Variants in NRG1 observed in about 807,000 individuals in gnomAD.
The protein encoded by NRG1 is pro-neuregulin-1, membrane-bound isoform.
A neutral mutation model predicts 63.8 loss-of-function variants in NRG1; 18 were observed. That is an observed-to-expected ratio of 0.28 (90% CI 0.19 to 0.42). The LOEUF (loss-of-function observed/expected upper bound fraction) is 0.42, where lower values mean the gene tolerates loss of function less well. Ranked by LOEUF, NRG1 falls within the 10% of genes least tolerant of loss-of-function variation. NRG1 has a pLI of 1.00. For missense variants in NRG1, 762 were observed against 814.7 expected (o/e 0.94, Z 0.79); for synonymous variants, 302 against 301.3 (o/e 1.00, Z -0.02).
chr8:32,469,683 G>A (rs1287063213), intron 1 of NRG1, among the ~76,000 whole-genome samples: 4 of 152,192 alleles, frequency 2.6e-5, no homozygotes, highest in African/African-American at 7.2e-5. Context: ...TTTGTAAATT[G>A]TTAGGGAATG....
At chr8:32,757,216 AGGTT>A (rs1254994604) in intron 9 of NRG1, among the ~76,000 whole-genome samples, 4 of 152,192 alleles carry the variant, frequency 2.6e-5, no homozygotes, top group Non-Finnish European at 5.9e-5. Flanking sequence ...ATAGAATATT[AGGTT>A]CTGGAGAGTT....
intron 1 of NRG1, among the ~76,000 whole-genome samples, chr8:32,250,275 A>G (rs919243724): frequency 6.6e-6 from 1 of 152,108 alleles, no homozygotes; most frequent in African/African-American, 2.4e-5. Context: ...TCATTATGGA[A>G]CATCATCCCA....
At chr8:32,629,686 T>G (rs1266036801) in intron 5 of NRG1, among the ~76,000 whole-genome samples, 1 of 152,154 alleles carries the variant, frequency 6.6e-6, no homozygotes, top group African/African-American at 2.4e-5. Context: ...TTTATTTCTG[T>G]TTTTTACATC....
intron 1 of NRG1, among the ~76,000 whole-genome samples, chr8:31,732,586 T>C (rs1814204434): frequency 6.6e-6 from 1 of 152,092 alleles, no homozygotes; most frequent in Non-Finnish European, 1.5e-5. Context: ...TTTAGGGTAG[T>C]TACCATCCAA....
chr8:32,361,072 T>A (rs140346940), intron 1 of NRG1, among the ~76,000 whole-genome samples: 1 of 152,268 alleles, frequency 6.6e-6, no homozygotes, highest in East Asian at 1.9e-4. Flanking sequence ...ACGATAGACC[T>A]ATTGTGATGG....
At chr8:31,962,258 A>G (rs1398552580) in intron 1 of NRG1, among the ~76,000 whole-genome samples, 2 of 152,196 alleles carry the variant, frequency 1.3e-5, no homozygotes. Flanking sequence ...ATTTCCTCAG[A>G]CAATTCAGCT....
chr8:32,550,770 C>T (rs1833958409), intron 1 of NRG1, among the ~76,000 whole-genome samples: 1 of 152,150 alleles, frequency 6.6e-6, no homozygotes, highest in Non-Finnish European at 1.5e-5. Flanking sequence ...TCCAGTGGTA[C>T]AGCAGTGATT....
chr8:32,220,713 G>A (rs1845721887), intron 1 of NRG1, among the ~76,000 whole-genome samples: 1 of 152,186 alleles, frequency 6.6e-6, no homozygotes, highest in African/African-American at 2.4e-5. Context: ...ATCTGCTGCA[G>A]TGTTTCCCTG....
intron 1 of NRG1, among the ~76,000 whole-genome samples, chr8:32,048,419 A>G (rs12680035): frequency 9.6e-5 from 14 of 146,580 alleles, no homozygotes; most frequent in Non-Finnish European, 1.5e-4. Context: ...GAATATATGT[A>G]CATGCATATG....
At chr8:32,178,018 AG>A (rs1840989766) in intron 1 of NRG1, among the ~76,000 whole-genome samples, 1 of 152,054 alleles carries the variant, frequency 6.6e-6, no homozygotes, top group Non-Finnish European at 1.5e-5. Context: ...CTGAAGAATG[AG>A]GGTTATTCAT....
chr8:31,791,807 G>A (rs900666475), intron 1 of NRG1, among the ~76,000 whole-genome samples: 2 of 152,142 alleles, frequency 1.3e-5, no homozygotes, highest in Non-Finnish European at 2.9e-5. Context: ...CTACAGAATC[G>A]TGGAATACAG....
At chr8:32,059,209 C>T (rs997283085) in intron 1 of NRG1, among the ~76,000 whole-genome samples, 1 of 151,682 alleles carries the variant, frequency 6.6e-6, no homozygotes, top group Non-Finnish European at 1.5e-5. Context: ...ATTCTATTTT[C>T]CTGCATCATA....
chr8:31,743,146 G>A (rs571211127), intron 1 of NRG1, among the ~76,000 whole-genome samples: 2 of 151,964 alleles, frequency 1.3e-5, no homozygotes, highest in Admixed American at 1.3e-4. Flanking sequence ...GCCTTCTTGC[G>A]GTCTTGCAAT....
chr8:31,797,247 T>A lies in NRG1; in HGVS notation c.37+157816T>A, dbSNP rs116732435. On this transcript the variant is annotated intron_variant, in intron 1 of 10. Transcript: ENST00000519301. ...ACCAAATCTTGAGAACTAAGAGCATTGGAGGATAAGCTCCTTTCCTAGAGA... is the reference window on the plus strand; with the variant it reads ...ACCAAATCTTGAGAACTAAGAGCATAGGAGGATAAGCTCCTTTCCTAGAGA... 4.8e-3 allele frequency among the ~76,000 whole-genome samples: 736 copies of A among 152,320 alleles called. 8 individuals carry two copies. Among genetic ancestry groups the A allele is most frequent in the African/African-American group, 0.017 (693 of 41,568 alleles).
At chr8:32,426,160 G>A (rs1018429560) in intron 1 of NRG1, among the ~76,000 whole-genome samples, 7 of 152,142 alleles carry the variant, frequency 4.6e-5, no homozygotes, top group African/African-American at 1.4e-4. Context: ...GAAATGAAAG[G>A]TCAATTTAGG....
chr8:31,679,168 T>C (rs1808058209), intron 1 of NRG1, among the ~76,000 whole-genome samples: 1 of 152,040 alleles, frequency 6.6e-6, no homozygotes, highest in African/African-American at 2.4e-5. Flanking sequence ...CCTCCCTCAG[T>C]TCTCTTTTCA....
chr8:32,372,646 A>T (rs2129482838), intron 1 of NRG1, among the ~76,000 whole-genome samples: 1 of 152,308 alleles, frequency 6.6e-6, no homozygotes, highest in African/African-American at 2.4e-5. Context: ...AATTGAATGT[A>T]GGTAAAATAG....
intron 1 of NRG1, among the ~76,000 whole-genome samples, chr8:31,937,585 C>A (rs1269726376): frequency 1.3e-5 from 2 of 152,136 alleles, no homozygotes; most frequent in African/African-American, 4.8e-5. Context: ...AGTCTGCTTG[C>A]TTTCTCAATG....
chr8:32,471,566 T>A (rs962955542), intron 1 of NRG1, among the ~76,000 whole-genome samples: 6 of 152,152 alleles, frequency 3.9e-5, no homozygotes, highest in Non-Finnish European at 7.3e-5. Context: ...ACAAGTTGAA[T>A]CTAGTAGGGT....
Sources: gnomAD v4.1 joint callset for allele counts (sites outside exome capture counted in the v4.1 genomes callset) on GRCh38, gnomAD v4.1.1 for gene constraint, MANE v1.5 for transcripts, NCBI Gene and HGNC (gene_info 2026-07-23, HGNC 2026-07-21) for gene names.